Variants in PEX13 observed in about 807,000 individuals in gnomAD.
The protein encoded by PEX13 is peroxisomal biogenesis factor 13.
Under a neutral mutation model 34.5 loss-of-function variants are expected in PEX13, and 28 were observed. The ratio of observed to expected loss-of-function variants is 0.81; its 90% CI spans 0.60 to 1.11. The LOEUF is 1.11. PEX13 is among the 50% of genes most tolerant of loss of function. PEX13 has a pLI of 0.00. For synonymous variants in PEX13, 177 were observed against 175.1 expected, an observed-to-expected ratio of 1.01 and a Z score of -0.09; for missense variants, 550 against 491.0, an observed-to-expected ratio of 1.12 and a Z score of -1.13.
At chr2:61,018,996 C>T (rs1008466568) in intron 1 of PEX13, 3 of 152,296 alleles carry the variant, frequency 2.0e-5, no homozygotes, top group South Asian at 2.1e-4. Context: ...ATATTCACTA[C>T]TCAACTTTAA....
At chr2:61,044,629 A>T (rs1035924876) in intron 2 of PEX13, among the ~76,000 whole-genome samples, 2 of 151,772 alleles carry the variant, frequency 1.3e-5, no homozygotes, top group Non-Finnish European at 2.9e-5. Flanking sequence ...CAGGAGATCC[A>T]CCCGCCTCGG....
intron 1 of PEX13, among the ~76,000 whole-genome samples, chr2:61,021,866 G>A (rs1443275828): frequency 6.6e-6 from 1 of 152,164 alleles, no homozygotes; most frequent in Admixed American, 6.5e-5. Flanking sequence ...AGCCTCTGCT[G>A]GTGATACCCA....
At chr2:61,024,867 G>C (rs772708502) in intron 1 of PEX13, among the ~76,000 whole-genome samples, 25 of 151,988 alleles carry the variant, frequency 1.6e-4, no homozygotes, top group Non-Finnish European at 2.2e-4. Flanking sequence ...GGTTTGGTTT[G>C]GTGTTGTTTT....
chr2:61,038,062 T>G (rs531388201), intron 2 of PEX13, among the ~76,000 whole-genome samples: 1 of 152,232 alleles, frequency 6.6e-6, no homozygotes, highest in African/African-American at 2.4e-5. Context: ...CAAGAAGAAG[T>G]TGAATCTCTG....
At chr2:61,035,733 C>T (rs1680524206) in intron 2 of PEX13, among the ~76,000 whole-genome samples, 1 of 152,116 alleles carries the variant, frequency 6.6e-6, no homozygotes, top group South Asian at 2.1e-4. Context: ...CCTGTAATCC[C>T]AGCACTTTGT....
chr2:61,040,065 A>T (rs1412343207), intron 2 of PEX13, among the ~76,000 whole-genome samples: 1 of 151,798 alleles, frequency 6.6e-6, no homozygotes, highest in Non-Finnish European at 1.5e-5. Context: ...AGTTAGAATG[A>T]TCATTAAAAA....
At position 61,031,519 on chromosome 2, in the gene PEX13, A is replaced by G. The variant is rs886056196; in HGVS notation, c.193A>G (p.Ser65Gly). The stretch of plus-strand genomic sequence containing the variant: ...TCCAAGGCCATCACAGCAGACAGGA[A>G]GTAGCAGTGTGAACACTTTTAGACC... ...ILPRPSQQTG[S>G]SSVNTFRPAY... Residue 65 changes from serine (S) to glycine (G), a missense_variant, in exon 2 of 4, where the codon AGT (serine) becomes GGT (glycine). Physicochemically the swap from Ser to Gly is moderately conservative, Grantham distance 56. Transcript: ENST00000295030. 1.2e-6 allele frequency: 2 copies of G among 1,614,160 alleles called. No homozygotes were observed. The highest frequency in any genetic ancestry group is 1.7e-6 in the Non-Finnish European group (2 of 1,179,982).
intron 1 of PEX13, among the ~76,000 whole-genome samples, chr2:61,030,513 A>G (rs1680433072): frequency 6.6e-6 from 1 of 152,152 alleles, no homozygotes; most frequent in South Asian, 2.1e-4. Context: ...TGCTGAAGTG[A>G]TCTCTAGTGT....
chr2:61,047,690 G>T (rs1477341899), intron 3 of PEX13, among the ~76,000 whole-genome samples: 1 of 152,158 alleles, frequency 6.6e-6, no homozygotes, highest in Non-Finnish European at 1.5e-5. Flanking sequence ...CTCAAGAAAA[G>T]TATGTTTGGG....
rs1680764747 is a variant in PEX13, at chr2:61,049,724, G to T, written c.*954G>T. 1 of 152,162 alleles carries T rather than the reference G, an allele frequency of 6.6e-6. No individual in the cohort carries two copies. Among genetic ancestry groups the T allele is most frequent in the African/African-American group, 2.4e-5 (1 of 41,430 alleles). The allele number at this position is 152,162 out of a possible 1,614,324, so 9.4% of individuals were successfully genotyped here. Reference sequence around the variant, plus strand: ...AGGAGGCGGAGGTTACGCTGAGCCGGAGATCTCGCCATTGCACTTCAGCCT... The same window carrying T: ...AGGAGGCGGAGGTTACGCTGAGCCGTAGATCTCGCCATTGCACTTCAGCCT... On this transcript the variant is annotated 3_prime_UTR_variant, in exon 4 of 4. Coordinates refer to ENST00000295030, the MANE Select transcript of PEX13 (RefSeq NM_002618.4).
intron 1 of PEX13, among the ~76,000 whole-genome samples, chr2:61,019,439 C>T (rs958894729): frequency 1.3e-5 from 2 of 151,922 alleles, no homozygotes; most frequent in South Asian, 2.1e-4. Flanking sequence ...TTAATACAGC[C>T]AAAATTGTCA....
intron 3 of PEX13, among the ~76,000 whole-genome samples, chr2:61,046,563 G>C (rs1450461697): frequency 6.6e-6 from 1 of 152,106 alleles, no homozygotes; most frequent in Non-Finnish European, 1.5e-5. Flanking sequence ...CTATGTACAA[G>C]GTACTGTATT....
chr2:61,045,623 CT>C, intron 2 of PEX13, 102 bp from the exon 3 acceptor site: 1 of 998,710 alleles, frequency 1.0e-6, no homozygotes, highest in Non-Finnish European at 1.6e-6. Context: ...GAGGGGAGGA[CT>C]TTTCTCTTGG....
At chr2:61,045,073 T>C (rs1452300879) in intron 2 of PEX13, among the ~76,000 whole-genome samples, 1 of 152,150 alleles carries the variant, frequency 6.6e-6, no homozygotes, top group African/African-American at 2.4e-5. Context: ...GAGAAGAATT[T>C]AACAGAATTA....
At chr2:61,019,901 T>C (rs938127910) in intron 1 of PEX13, among the ~76,000 whole-genome samples, 6 of 152,186 alleles carry the variant, frequency 3.9e-5, no homozygotes, top group African/African-American at 1.4e-4. Flanking sequence ...ATCAAGTAAG[T>C]TTTTATTCCA....
chr2:61,046,349 TTA>T (rs1680704466), intron 3 of PEX13, among the ~76,000 whole-genome samples: 1 of 152,162 alleles, frequency 6.6e-6, no homozygotes, highest in Admixed American at 6.5e-5. Flanking sequence ...CATCTCGGGT[TTA>T]TTTTTGGACC....
At chr2:61,018,516 C>A in intron 1 of PEX13, 1 of 415,318 alleles carries the variant, frequency 2.4e-6, no homozygotes, top group Non-Finnish European at 4.1e-6. Context: ...GTTTCTAGGA[C>A]TTTAAAAAGG....
chr2:61,034,999 T>C (rs1177233), intron 2 of PEX13, among the ~76,000 whole-genome samples: 96,159 of 152,172 alleles, frequency 0.63, 32,317 homozygotes, highest in African/African-American at 0.87. Context: ...GCTCCAAGAA[T>C]GCAGACTGCT....
intron 2 of PEX13, among the ~76,000 whole-genome samples, chr2:61,037,940 A>G (rs200620689): frequency 3.3e-5 from 5 of 152,256 alleles, no homozygotes; most frequent in Admixed American, 2.0e-4. Context: ...CCCATCCCAC[A>G]GAAATACAAA....
Sources: allele counts gnomAD v4.1 joint callset (sites outside exome capture counted in the v4.1 genomes callset), GRCh38; gene constraint gnomAD v4.1.1; transcripts MANE v1.5; gene names NCBI Gene and HGNC (gene_info 2026-07-23, HGNC 2026-07-21).